Variants in EDA observed in about 807,000 individuals in gnomAD.
EDA encodes the protein ectodysplasin-A.
In EDA, 2 loss-of-function variants were observed where a neutral mutation model predicts 23.6. That is an observed-to-expected ratio of 0.08 (90% CI 0.03 to 0.27). The LOEUF (loss-of-function observed/expected upper bound fraction) is 0.27. Ranked by LOEUF, EDA falls within the 10% of genes least tolerant of loss-of-function variation. The probability of loss-of-function intolerance (pLI) is 1.00; values close to 1 mark genes in which losing one functional copy is unlikely to be tolerated. For missense variants in EDA, 229 were observed against 324.2 expected (o/e 0.71, Z 2.26); for synonymous variants, 131 against 132.0 (o/e 0.99, Z 0.05).
rs777482377 is a variant in EDA, at chrX:69,689,615, G to A, written c.396+72911G>A. Among the ~76,000 whole-genome samples, 12 of 105,382 alleles carry A rather than the reference G, an allele frequency of 1.1e-4. No homozygotes were observed. In the East Asian group the frequency reaches 2.8e-3, roughly 25 times the overall value. The allele number at this position is 105,382 out of a possible 115,157, so 91.5% of individuals were successfully genotyped here. A position where few individuals can be genotyped will look rare whatever the true frequency, so the allele number is the denominator to read the frequency against. ...CTCCCAAAGTGCTGGGATTACAGGT[G>A]TGAGCCACCGCGCCCGGCCCAACTT... On this transcript the variant is annotated intron_variant, in intron 1 of 7. Transcript: ENST00000374552.
chrX:69,758,078 A>T (rs1301636035), intron 1 of EDA, among the ~76,000 whole-genome samples: 3 of 112,193 alleles, frequency 2.7e-5, no homozygotes, highest in Non-Finnish European at 5.6e-5. Flanking sequence ...TGTATCCTGG[A>T]TGAAGGCCCT....
At chrX:69,899,009 AT>A (rs1425053586) in intron 1 of EDA, among the ~76,000 whole-genome samples, 2 of 111,948 alleles carry the variant, frequency 1.8e-5, no homozygotes, top group African/African-American at 6.5e-5. Context: ...TTTTGCTATG[AT>A]TTTTAAGTGT....
chrX:69,666,537 T>A, intron 1 of EDA, among the ~76,000 whole-genome samples: 1 of 112,835 alleles, frequency 8.9e-6, no homozygotes, highest in Non-Finnish European at 1.9e-5. Context: ...TTTTTCTGCA[T>A]CAATTGAGAT....
intron 1 of EDA, among the ~76,000 whole-genome samples, chrX:69,899,646 C>T (rs753472437): frequency 7.2e-5 from 8 of 110,843 alleles, no homozygotes; most frequent in Non-Finnish European, 1.5e-4. Flanking sequence ...TGTTCCTACC[C>T]ACTCTATTCA....
intron 1 of EDA, among the ~76,000 whole-genome samples, chrX:69,898,193 G>A (rs1320668752): frequency 1.8e-5 from 2 of 111,953 alleles, no homozygotes; most frequent in Admixed American, 9.5e-5. Context: ...AAGTAATTTC[G>A]ACTGGAAGTT....
Position 70,035,347 on chromosome X carries a change from C to G in EDA, c.925-11C>G, listed in dbSNP as rs1345538818. ...CTCTTCCCCAATCCCTTCTTGTTGC[C>G]TCTCACTCAGGTATACTACATCAAC... is the stretch of plus-strand genomic sequence containing the variant. On this transcript the variant is annotated splice_polypyrimidine_tract_variant and intron_variant, in intron 7 of 7. Transcript: ENST00000374552. 8.3e-7 allele frequency: 1 copy of G among 1,205,400 alleles called. No individual in the cohort carries two copies. The highest frequency in any genetic ancestry group is 1.8e-5 in the African/African-American group (1 of 56,613).
intron 1 of EDA, among the ~76,000 whole-genome samples, chrX:69,767,857 T>C (rs1220601049): frequency 1.8e-5 from 2 of 111,926 alleles, no homozygotes; most frequent in Non-Finnish European, 3.8e-5. Flanking sequence ...CAAGACTTGG[T>C]GTACTAAGTC....
At chrX:69,788,513 C>T (rs1357372621) in intron 1 of EDA, among the ~76,000 whole-genome samples, 1 of 111,854 alleles carries the variant, frequency 8.9e-6, no homozygotes, top group Non-Finnish European at 1.9e-5. Context: ...TTCTAACAGA[C>T]AGGACCCTCA....
intron 2 of EDA, among the ~76,000 whole-genome samples, chrX:70,000,450 T>C (rs943715646): frequency 1.8e-5 from 2 of 112,495 alleles, no homozygotes; most frequent in Non-Finnish European, 3.8e-5. Flanking sequence ...ATAAGTTGAA[T>C]ATAATTGAAA....
chrX:69,869,032 G>A (rs899347372), intron 1 of EDA, among the ~76,000 whole-genome samples: 1 of 111,822 alleles, frequency 8.9e-6, no homozygotes, highest in Non-Finnish European at 1.9e-5. Flanking sequence ...ACTAATCTCT[G>A]CAATCCCGCC....
At chrX:69,898,072 T>G (rs1377410373) in intron 1 of EDA, among the ~76,000 whole-genome samples, 1 of 111,572 alleles carries the variant, frequency 9.0e-6, no homozygotes, top group Non-Finnish European at 1.9e-5. Flanking sequence ...TTGGACAACA[T>G]GAAATAATAA....
chrX:69,948,963 T>C (rs2018874977), intron 1 of EDA, among the ~76,000 whole-genome samples: 1 of 112,002 alleles, frequency 8.9e-6, no homozygotes, highest in Non-Finnish European at 1.9e-5. Context: ...GTTTCACTCA[T>C]TGGTGCCAGG....
chrX:69,723,510 A>G (rs1256048230), intron 1 of EDA, among the ~76,000 whole-genome samples: 1 of 112,062 alleles, frequency 8.9e-6, no homozygotes, highest in Non-Finnish European at 1.9e-5. Context: ...ATAGTGCCCA[A>G]CCCATTCAGG....
rs141648141 is a variant in EDA at position 69,682,545 on chromosome X, C to A, written c.396+65841C>A. Among the ~76,000 whole-genome samples the A allele has an allele frequency of 3.6e-5, 4 of 112,263 alleles. No homozygotes were observed. The Admixed American group carries it at 3.7e-4, about 11-fold the overall frequency. ...CTCGTGCGCCGTTTTTTAAGCCCCT[C>A]GGAAATGCGCAGTATTCGGGTGGGA... On this transcript the variant is annotated intron_variant, in intron 1 of 7. Transcript: ENST00000374552.
intron 1 of EDA, among the ~76,000 whole-genome samples, chrX:69,851,740 G>A (rs188160376): frequency 8.9e-6 from 1 of 111,860 alleles, no homozygotes; most frequent in East Asian, 2.8e-4. Flanking sequence ...AATGATAAAC[G>A]AACTGGGTTC....
chrX:69,951,827 C>T (rs2018931645), intron 1 of EDA, among the ~76,000 whole-genome samples: 1 of 111,854 alleles, frequency 8.9e-6, no homozygotes, highest in Admixed American at 9.5e-5. Context: ...TAATTTTACC[C>T]TAGGAAACAA....
chrX:69,767,462 C>T (rs1298886281), intron 1 of EDA, among the ~76,000 whole-genome samples: 1 of 110,481 alleles, frequency 9.1e-6, no homozygotes, highest in Non-Finnish European at 1.9e-5. Flanking sequence ...TAAATGGATT[C>T]ATAGAGTATG....
intron 6 of EDA, among the ~76,000 whole-genome samples, chrX:70,033,195 C>A (rs1283330180): frequency 8.9e-6 from 1 of 112,979 alleles, no homozygotes; most frequent in East Asian, 2.8e-4. Context: ...AGGCAGAGCC[C>A]AGGAGCCCTG....
At chrX:70,018,055 C>G (rs1034829265) in intron 2 of EDA, among the ~76,000 whole-genome samples, 7 of 111,351 alleles carry the variant, frequency 6.3e-5, no homozygotes, top group Admixed American at 9.6e-5. Context: ...TATACACCAG[C>G]AACATCCAAG....
Sources: allele counts gnomAD v4.1 joint callset (sites outside exome capture counted in the v4.1 genomes callset), GRCh38; gene constraint gnomAD v4.1.1; transcripts MANE v1.5; gene names NCBI Gene and HGNC (gene_info 2026-07-23, HGNC 2026-07-21).